The following DNMT3B variants were observed in gnomAD, a reference collection of about 807,000 sequenced individuals.
The protein encoded by DNMT3B is DNA methyltransferase 3 beta, also known as DNA (cytosine-5)-methyltransferase 3B.
In DNMT3B, 37 loss-of-function variants were observed where a neutral mutation model predicts 120.2. That is an observed-to-expected ratio of 0.31 (90% CI 0.24 to 0.40). DNMT3B has a LOEUF of 0.40. Among genes scored for constraint, DNMT3B ranks in the 10% least tolerant of loss-of-function variants. The pLI is 1.00. For missense variants in DNMT3B, 878 were observed against 1,137.3 expected (o/e 0.77, Z 3.28); for synonymous variants, 412 against 442.8 (o/e 0.93, Z 0.87).
At chr20:32,801,569 T>A in intron 19 of DNMT3B, 143 bp downstream of exon 19, 2 of 1,123,176 alleles carry the variant, frequency 1.8e-6, no homozygotes, top group Non-Finnish European at 2.6e-6. Context: ...AGGGATTCAG[T>A]GGGTTCTCTT....
chr20:32,767,161 G>C (rs780552580), intron 1 of DNMT3B, among the ~76,000 whole-genome samples: 87 of 152,142 alleles, frequency 5.7e-4, no homozygotes, highest in Non-Finnish European at 1.0e-3. Context: ...CTCCCAAAGT[G>C]CTGGGATTAT....
Position 32,787,406 on chromosome 20 carries a change from G to A in DNMT3B, c.609G>A (p.Pro203=), listed in dbSNP as rs376501500. The A allele has an allele frequency of 1.2e-5, 19 of 1,614,106 alleles. No individual in the cohort carries two copies. The highest frequency in any genetic ancestry group is 2.2e-5 in the East Asian group (1 of 44,890). Residue 203 remains proline (P), a synonymous_variant, in exon 6 of 23, where the codon CCG becomes CCA. Coordinates refer to ENST00000328111, the MANE Select transcript of DNMT3B (RefSeq NM_006892.4). Reference sequence around the variant, plus strand: ...GCCAGCAGGGGGGCATGGAGTCCCCGCAGGTGGAGGCAGACAGTGGAGATG... The same window carrying A: ...GCCAGCAGGGGGGCATGGAGTCCCCACAGGTGGAGGCAGACAGTGGAGATG... The part of the protein sequence containing the change: ...QDSQQGGMES[P]QVEADSGDGD...
chr20:32,802,924 G>A (rs1016514351), intron 20 of DNMT3B, among the ~76,000 whole-genome samples: 1 of 152,222 alleles, frequency 6.6e-6, no homozygotes, highest in Non-Finnish European at 1.5e-5. Context: ...ACTTGAGCTT[G>A]TTGATGCTCC....
chr20:32,765,922 AT>A (rs906388927), intron 1 of DNMT3B, among the ~76,000 whole-genome samples: 4 of 150,560 alleles, frequency 2.7e-5, no homozygotes, highest in Non-Finnish European at 5.9e-5. Flanking sequence ...TGCCTGGCTA[AT>A]TTTTTTTGTA....
chr20:32,763,465 T>G (rs1346816227), intron 1 of DNMT3B, among the ~76,000 whole-genome samples: 2 of 152,194 alleles, frequency 1.3e-5, no homozygotes, highest in Non-Finnish European at 2.9e-5. Flanking sequence ...CCGCCTACCC[T>G]GGGGTCTTAC....
At chr20:32,779,811 G>A in intron 1 of DNMT3B, 2 of 550,168 alleles carry the variant, frequency 3.6e-6, no homozygotes, top group Non-Finnish European at 6.5e-6. Context: ...GTTCTGTGGG[G>A]GAGGAGGGGG....
intron 1 of DNMT3B, among the ~76,000 whole-genome samples, chr20:32,767,444 C>A (rs1174398809): frequency 6.6e-6 from 1 of 151,054 alleles, no homozygotes; most frequent in African/African-American, 2.4e-5. Flanking sequence ...TTAATTATTT[C>A]TTTTGAGACA....
intron 16 of DNMT3B, 145 bp from the exon 17 acceptor site, chr20:32,800,008 G>C: frequency 8.3e-7 from 1 of 1,201,698 alleles, no homozygotes; most frequent in Non-Finnish European, 1.2e-6. Flanking sequence ...GCCAATATGT[G>C]TGGTGCGTGT....
chr20:32,793,926 T>A (rs1448676283), intron 10 of DNMT3B, among the ~76,000 whole-genome samples: 2 of 152,134 alleles, frequency 1.3e-5, no homozygotes, highest in African/African-American at 2.4e-5. Flanking sequence ...AGGGTCAGAG[T>A]CAAATTTAAC....
intron 1 of DNMT3B, among the ~76,000 whole-genome samples, chr20:32,769,881 TG>T (rs1987615631): frequency 6.6e-6 from 1 of 152,118 alleles, no homozygotes; most frequent in Non-Finnish European, 1.5e-5. Flanking sequence ...CCTTCGAGTC[TG>T]GGTTCTTTTA....
rs778368772 is a variant in DNMT3B, at chr20:32,787,385, G to A, written c.588G>A (p.Gln196=). Reference sequence around the variant, plus strand: ...ACGCCCGCCTAGCCCAGGACAGCCAGCAGGGGGGCATGGAGTCCCCGCAGG... The same window carrying A: ...ACGCCCGCCTAGCCCAGGACAGCCAACAGGGGGGCATGGAGTCCCCGCAGG... ...TPYARLAQDS[Q]QGGMESPQVE... The change falls in exon 6 of 23, where the codon CAG becomes CAA. Residue 196 remains glutamine (Q), a synonymous_variant. Coordinates refer to ENST00000328111, the MANE Select transcript of DNMT3B (RefSeq NM_006892.4). The A allele has an allele frequency of 3.7e-6, 6 of 1,614,230 alleles. No homozygotes were observed. The South Asian group carries it at 4.4e-5, about 12-fold the overall frequency.
Position 32,794,875 on chromosome 20 carries a change from CA to C in DNMT3B, c.1127-533del, listed in dbSNP as rs1188762213. Among the ~76,000 whole-genome samples the C allele has an allele frequency of 3.3e-5, 5 of 152,178 alleles. No individual in the cohort carries two copies. The East Asian group carries it at 9.6e-4, about 29-fold the overall frequency. On this transcript the variant is annotated intron_variant, in intron 10 of 22. Transcript: ENST00000328111. ...ATACTTGATCTGTATTAACTATATA[CA>C]GATTCTTGACTAAATACAGATGTAG...
chr20:32,766,408 C>G (rs1225528179), intron 1 of DNMT3B, among the ~76,000 whole-genome samples: 9 of 151,792 alleles, frequency 5.9e-5, no homozygotes, highest in African/African-American at 2.2e-4. Context: ...CAAGGTCTTG[C>G]TGTGTTGCCA....
intron 7 of DNMT3B, 87 bp from the exon 8 acceptor site, chr20:32,791,514 C>CA: frequency 3.1e-6 from 4 of 1,283,868 alleles, no homozygotes; most frequent in Non-Finnish European, 3.4e-6. Context: ...GTGTGAAAAT[C>CA]TTCTGCATCT....
intron 1 of DNMT3B, among the ~76,000 whole-genome samples, chr20:32,774,244 C>G (rs919006927): frequency 6.6e-6 from 1 of 151,612 alleles, no homozygotes; most frequent in Admixed American, 6.6e-5. Context: ...GAGTCTCGCT[C>G]TGTCACCTAG....
At chr20:32,794,601 T>C (rs1332814500) in intron 10 of DNMT3B, among the ~76,000 whole-genome samples, 1 of 151,358 alleles carries the variant, frequency 6.6e-6, no homozygotes, top group African/African-American at 2.4e-5. Context: ...GAGGCGGAGG[T>C]TGCAGTGAGC....
At chr20:32,791,481 A>T in intron 7 of DNMT3B, 120 bp from the exon 8 acceptor site, 1 of 952,812 alleles carries the variant, frequency 1.0e-6, no homozygotes, top group Non-Finnish European at 1.7e-6. Context: ...CTTTATCCCC[A>T]GGAATGGTCT....
intron 6 of DNMT3B, among the ~76,000 whole-genome samples, chr20:32,787,710 A>G (rs1202965312): frequency 6.6e-6 from 1 of 152,212 alleles, no homozygotes; most frequent in Non-Finnish European, 1.5e-5. Context: ...ACATTTATGT[A>G]AGGACTGCAA....
intron 2 of DNMT3B, 75 bp from the exon 3 acceptor site, chr20:32,781,278 G>C: frequency 2.0e-6 from 3 of 1,521,862 alleles, no homozygotes; most frequent in East Asian, 4.5e-5. Flanking sequence ...ACGGAGAAAA[G>C]CCCCTATTAG....
Sources: allele counts gnomAD v4.1 joint callset (sites outside exome capture counted in the v4.1 genomes callset), GRCh38; gene constraint gnomAD v4.1.1; transcripts MANE v1.5; gene names NCBI Gene and HGNC (gene_info 2026-07-23, HGNC 2026-07-21).